Variants in NRXN1 observed in about 807,000 individuals in gnomAD.
NRXN1 encodes the protein neurexin 1, also known as neurexin-1.
NRXN1 carries 39 observed loss-of-function variants against 150.9 expected under a neutral mutation model. That is an observed-to-expected ratio of 0.26 (90% CI 0.20 to 0.34). The LOEUF (loss-of-function observed/expected upper bound fraction) is 0.34, where lower values mean the gene tolerates loss of function less well. Among genes scored for constraint, NRXN1 ranks in the 10% least tolerant of loss-of-function variants. NRXN1 has a pLI of 1.00. For synonymous variants in NRXN1, 924 were observed against 757.0 expected, an observed-to-expected ratio of 1.22 and a Z score of -3.62; for missense variants, 1,815 against 1,949.9, an observed-to-expected ratio of 0.93 and a Z score of 1.30.
chr2:50,631,217 T>C (rs528958844), intron 5 of NRXN1: 7 of 398,124 alleles, frequency 1.8e-5, no homozygotes, highest in Non-Finnish European at 3.4e-5. Flanking sequence ...ACTTCTCTTG[T>C]TCTGCAGCGA....
chr2:50,439,530 G>A (rs1287869882), intron 17 of NRXN1, among the ~76,000 whole-genome samples: 1 of 152,178 alleles, frequency 6.6e-6, no homozygotes, highest in East Asian at 1.9e-4. Flanking sequence ...AAAAAGGCCG[G>A]GCGCGGTGGC....
Position 50,346,647 on chromosome 2 carries a change from G to A in NRXN1, c.3365-109677C>T. The stretch of plus-strand genomic sequence containing the variant: ...GGAGCGAGTGCAGGGTAGAAAGAGG[G>A]GAGCGAGGGGATAACCCGCGAGAAC... On this transcript the variant is annotated intron_variant, in intron 17 of 22. Transcript: ENST00000401669. This position sits in a 1 kb window ranked among gnomAD's most constrained non-coding sequence, Gnocchi z 5.0. The A allele has an allele frequency of 2.5e-6, 4 of 1,601,618 alleles. No homozygotes were observed. The highest frequency in any genetic ancestry group is 1.1e-5 in the South Asian group (1 of 90,830).
chr2:50,489,853 CA>C (rs1286183338), intron 15 of NRXN1, among the ~76,000 whole-genome samples: 1 of 152,134 alleles, frequency 6.6e-6, no homozygotes, highest in Non-Finnish European at 1.5e-5. Flanking sequence ...GAAGAACTCC[CA>C]AACCAAATGT....
intron 21 of NRXN1, among the ~76,000 whole-genome samples, chr2:49,999,525 G>T (rs1683559192): frequency 6.6e-6 from 1 of 152,082 alleles, no homozygotes; most frequent in Non-Finnish European, 1.5e-5. Context: ...TGTAGCAATT[G>T]AAAGCTATAA....
At chr2:50,267,121 A>G (rs1166757776) in intron 17 of NRXN1, among the ~76,000 whole-genome samples, 2 of 152,228 alleles carry the variant, frequency 1.3e-5, no homozygotes, top group Non-Finnish European at 2.9e-5. Context: ...AGAAATAATA[A>G]TCAGTTATTT....
intron 18 of NRXN1, among the ~76,000 whole-genome samples, chr2:50,236,536 A>T (rs1031321056): frequency 6.6e-6 from 1 of 151,132 alleles, no homozygotes; most frequent in Non-Finnish European, 1.5e-5. Context: ...AAATTTTTTT[A>T]AAAATTATTT....
At chr2:50,885,820 AACACAC>A (rs57614861) in intron 5 of NRXN1, among the ~76,000 whole-genome samples, 7 of 143,852 alleles carry the variant, frequency 4.9e-5, no homozygotes, top group South Asian at 4.5e-4. Flanking sequence ...TATTTCTATA[AACACAC>A]ACACACACAC....
intron 5 of NRXN1, among the ~76,000 whole-genome samples, chr2:50,831,395 A>T (rs1264492792): frequency 6.6e-6 from 1 of 152,322 alleles, no homozygotes; most frequent in Non-Finnish European, 1.5e-5. Flanking sequence ...CAATGTAAAC[A>T]TGTCTAATTC....
At chr2:50,326,179 A>G (rs549913297) in intron 17 of NRXN1, among the ~76,000 whole-genome samples, 15 of 152,280 alleles carry the variant, frequency 9.9e-5, no homozygotes, top group African/African-American at 3.6e-4. Context: ...GTAGTCCAAT[A>G]TTAATATTTA....
chr2:50,372,328 T>C (rs1329328597), intron 17 of NRXN1, among the ~76,000 whole-genome samples: 1 of 152,082 alleles, frequency 6.6e-6, no homozygotes, highest in East Asian at 1.9e-4. Flanking sequence ...TATTTTACGG[T>C]CTAACTGGGA....
chr2:50,890,584 T>C (rs1025953236), intron 5 of NRXN1, among the ~76,000 whole-genome samples: 4 of 151,870 alleles, frequency 2.6e-5, no homozygotes, highest in Non-Finnish European at 5.9e-5. Flanking sequence ...TATTTCAAAG[T>C]TCAGATCAAA....
At chr2:50,708,466 C>T (rs540738554) in intron 5 of NRXN1, among the ~76,000 whole-genome samples, 1 of 152,230 alleles carries the variant, frequency 6.6e-6, no homozygotes. Flanking sequence ...GGGAACAGGG[C>T]TTGAGTTTTC....
chr2:50,729,001 C>CT (rs1279964532), intron 5 of NRXN1, among the ~76,000 whole-genome samples: 1 of 151,948 alleles, frequency 6.6e-6, no homozygotes, highest in Non-Finnish European at 1.5e-5. Context: ...ACTGTGAAAC[C>CT]TTTTTTTCCC....
At chr2:50,992,958 G>T (rs868287368) in intron 2 of NRXN1, among the ~76,000 whole-genome samples, 1 of 151,954 alleles carries the variant, frequency 6.6e-6, no homozygotes. Context: ...GCATAAATTT[G>T]CAGAATGACT....
chr2:49,981,852 T>C (rs1680044030), intron 21 of NRXN1, among the ~76,000 whole-genome samples: 1 of 152,042 alleles, frequency 6.6e-6, no homozygotes, highest in Admixed American at 6.6e-5. Flanking sequence ...TCATGAAGAC[T>C]CAATATTTTA....
intron 21 of NRXN1, among the ~76,000 whole-genome samples, chr2:49,978,196 C>T (rs1301807579): frequency 6.6e-6 from 1 of 152,068 alleles, no homozygotes; most frequent in Non-Finnish European, 1.5e-5. Flanking sequence ...ACAGGGATCA[C>T]AGGAGGACTA....
Position 50,775,704 on chromosome 2 carries a change from G to T in NRXN1, c.832+146165C>A, listed in dbSNP as rs1703535144. ...AAGTCTTCCCAAATATTCACTTAAT[G>T]AATAAATTGAAAGGAAGATCAAAAT... On this transcript the variant is annotated intron_variant, in intron 5 of 22. Coordinates refer to ENST00000401669, the MANE Select transcript of NRXN1 (RefSeq NM_001330078.2). 2.0e-5 allele frequency among the ~76,000 whole-genome samples: 3 copies of T among 152,228 alleles called. No individual in the cohort carries two copies. The South Asian group carries it at 6.2e-4, about 32-fold the overall frequency.
At chr2:50,663,289 C>G (rs1024719126) in intron 5 of NRXN1, among the ~76,000 whole-genome samples, 1 of 152,038 alleles carries the variant, frequency 6.6e-6, no homozygotes, top group Non-Finnish European at 1.5e-5. Context: ...GTTCTCACAT[C>G]TCTGTCTTTT....
At chr2:50,813,822 CA>C (rs763665632) in intron 5 of NRXN1, among the ~76,000 whole-genome samples, 17 of 152,194 alleles carry the variant, frequency 1.1e-4, no homozygotes, top group Non-Finnish European at 2.2e-4. Flanking sequence ...TGATGATTAA[CA>C]TGGGGCCTTA....
Sources: gnomAD v4.1 joint callset for allele counts (sites outside exome capture counted in the v4.1 genomes callset) on GRCh38, gnomAD v4.1.1 for gene constraint, Gnocchi (gnomAD v3.1) non-coding constraint, MANE v1.5 for transcripts, NCBI Gene and HGNC (gene_info 2026-07-23, HGNC 2026-07-21) for gene names.